Variants in DSG1 observed in about 807,000 individuals in gnomAD.
The protein encoded by DSG1 is desmoglein 1.
A neutral mutation model predicts 97.5 loss-of-function variants in DSG1; 39 were observed. The observed-to-expected ratio is 0.40, with a 90% CI of 0.31 to 0.52. DSG1 has a LOEUF of 0.52. DSG1 is among the 20% of genes least tolerant of loss of function. DSG1 has a pLI of 0.53. For missense variants in DSG1, 1,311 were observed against 1,295.4 expected, an observed-to-expected ratio of 1.01 and a Z score of -0.18; for synonymous variants, 475 against 443.4, an observed-to-expected ratio of 1.07 and a Z score of -0.90.
chr18:31,329,978 C>A lies in DSG1; in HGVS notation c.459C>A (p.Asn153Lys). 3.1e-6 allele frequency: 5 copies of A among 1,613,284 alleles called. No homozygotes were observed. In the Middle Eastern group the frequency reaches 6.6e-4, roughly 213 times the overall value. Residue 153 changes from asparagine (N) to lysine (K), a missense_variant, in exon 5 of 15, where the codon AAC (asparagine) becomes AAA (lysine). By Grantham distance (94) the Asn-to-Lys change is moderately conservative (BLOSUM62 0). This residue lies in a region of DSG1 where 259 missense variants were observed against 304.1 expected (regional missense o/e 0.85). Coordinates refer to ENST00000257192, the MANE Select transcript of DSG1 (RefSeq NM_001942.4). ...TCAGGGTTTTGGATATAAATGACAA[C>A]CCTCCAGTGTTTTCAATGGCTACAT... ...LRVRVLDIND[N>K]PPVFSMATFA...
chr18:31,342,154 G>A (rs992057451), intron 11 of DSG1, among the ~76,000 whole-genome samples: 10 of 152,076 alleles, frequency 6.6e-5, no homozygotes, highest in South Asian at 2.1e-4. Flanking sequence ...GGATGATCTC[G>A]ATCTCCTGAC....
At chr18:31,338,734 T>A (rs1242536961) in intron 10 of DSG1, among the ~76,000 whole-genome samples, 1 of 152,148 alleles carries the variant, frequency 6.6e-6, no homozygotes, top group East Asian at 1.9e-4. Flanking sequence ...GTCTCTTTTT[T>A]AAAATGGAAC....
intron 8 of DSG1, among the ~76,000 whole-genome samples, chr18:31,335,453 A>C (rs1440628224): frequency 1.3e-5 from 2 of 152,058 alleles, no homozygotes; most frequent in African/African-American, 4.8e-5. Context: ...CTATCTGTAA[A>C]ATGGGAATGA....
Position 31,355,997 on chromosome 18 carries a change from C to G in DSG1, c.*651C>G, listed in dbSNP as rs1170304450. ...TTTCTTCAGGGTAAACTAGCAATGC[C>G]TGAGCCTGAACCTTAATGTGGGGCC... On this transcript the variant is annotated 3_prime_UTR_variant, in exon 15 of 15. Transcript: ENST00000257192. 1 of 153,196 alleles carries G rather than the reference C, an allele frequency of 6.5e-6. No homozygotes were observed. The allele number at this position is 153,196 out of a possible 1,614,324, so 9.5% of individuals were successfully genotyped here.
At chr18:31,345,641 G>A (rs568370369) in intron 13 of DSG1, among the ~76,000 whole-genome samples, 1 of 45,654 alleles carries the variant, frequency 2.2e-5, no homozygotes, top group Admixed American at 1.3e-4. Context: ...GGGGCTTCTA[G>A]TTATACACTG....
At chr18:31,329,832 AAAGT>A (rs2144091367) in intron 4 of DSG1, 56 bp from the exon 5 acceptor site, 7 of 1,588,130 alleles carry the variant, frequency 4.4e-6, no homozygotes, top group Non-Finnish European at 1.7e-6. Flanking sequence ...CATAATGCTC[AAAGT>A]AAGAACTTAA....
rs1197499329 is a variant in DSG1, at chr18:31,346,101, T to C, written c.2003T>C (p.Ile668Thr). 2 of 1,613,580 alleles carry C rather than the reference T, an allele frequency of 1.2e-6. No homozygotes were observed. Among genetic ancestry groups the C allele is most frequent in the Non-Finnish European group, 1.7e-6 (2 of 1,179,600 alleles). ...EGVKTSGMPE[I>T]CQEYSGTLRR... ...GTTAAAACTTCAGGAATGCCTGAGATATGTCAAGAATACTCTGGAACATTA... is the reference window on the plus strand; with the variant it reads ...GTTAAAACTTCAGGAATGCCTGAGACATGTCAAGAATACTCTGGAACATTA... Residue 668 changes from isoleucine to threonine, a missense_variant, in exon 14 of 15, where the codon ATA (isoleucine) becomes ACA (threonine). By Grantham distance (89) the Ile-to-Thr change is moderately conservative. Coordinates refer to ENST00000257192, the MANE Select transcript of DSG1 (RefSeq NM_001942.4).
chr18:31,325,886 A>T (rs1410419960), intron 1 of DSG1, among the ~76,000 whole-genome samples: 1 of 152,164 alleles, frequency 6.6e-6, no homozygotes, highest in Non-Finnish European at 1.5e-5. Context: ...TGTAAAATGG[A>T]GATAGTATTA....
intron 9 of DSG1, among the ~76,000 whole-genome samples, chr18:31,337,341 C>G (rs2071762373): frequency 6.6e-6 from 1 of 152,164 alleles, no homozygotes; most frequent in Admixed American, 6.5e-5. Context: ...ACTGCCACCT[C>G]TGCCTCCCGG....
rs1404662047 is a variant in DSG1, at chr18:31,353,281, C to T, written c.2101-1016C>T. 2.5e-3 allele frequency among the ~76,000 whole-genome samples: 374 copies of T among 149,726 alleles called. 1 individual carries two copies. The highest frequency in any genetic ancestry group is 7.8e-3 in the African/African-American group (318 of 40,938). ...GGGGGTGCCTCCCAGTTAGGCTGCT[C>T]GGGGGTCAGGGGTCAGGGACCCACT... On this transcript the variant is annotated intron_variant, in intron 14 of 14. Transcript: ENST00000257192.
chr18:31,328,246 A>G lies in DSG1; in HGVS notation c.274A>G (p.Ile92Val). 1 of 1,613,664 alleles carries G rather than the reference A, an allele frequency of 6.2e-7. No individual in the cohort carries two copies. Among genetic ancestry groups the G allele is most frequent in the South Asian group, 1.1e-5 (1 of 91,078 alleles). ...QVTYRISGVG[I>V]DQPPYGIFVI... is the part of the protein sequence containing the mutation. ...TACATACCGCATCTCTGGAGTAGGA[A>G]TTGATCAGCCACCATATGGGATCTT... Residue 92 changes from isoleucine to valine, a missense_variant, in exon 4 of 15, where the codon ATT (isoleucine) becomes GTT (valine). Ile to Val is a conservative substitution (Grantham distance 29). This residue lies in a region of DSG1 where 259 missense variants were observed against 304.1 expected (regional missense o/e 0.85). Coordinates refer to ENST00000257192, the MANE Select transcript of DSG1 (RefSeq NM_001942.4).
chr18:31,340,128 T>G, intron 11 of DSG1, 103 bp downstream of exon 11: 1 of 1,269,514 alleles, frequency 7.9e-7, no homozygotes, highest in South Asian at 1.4e-5. Flanking sequence ...CAAATTCTCA[T>G]TTTGTGCAAT....
In DSG1 at chr18:31,357,677, T is replaced by A. The variant is rs2071970785; in HGVS notation, c.*2331T>A. The stretch of plus-strand genomic sequence containing the variant: ...GTTACATCTGAACTCCTAAACACTG[T>A]TAAACGATGGGAAAAACAAGAAAAA... On this transcript the variant is annotated 3_prime_UTR_variant, in exon 15 of 15. Coordinates refer to ENST00000257192, the MANE Select transcript of DSG1 (RefSeq NM_001942.4). 6.6e-6 allele frequency among the ~76,000 whole-genome samples: 1 copy of A among 151,944 alleles called. No individual in the cohort carries two copies.
At chr18:31,343,425 A>G in intron 11 of DSG1, 25 bp from the exon 12 acceptor site, 2 of 1,614,050 alleles carry the variant, frequency 1.2e-6, no homozygotes, top group Non-Finnish European at 1.7e-6. Context: ...TGCTAACTCT[A>G]GTATTACTAT....
intron 14 of DSG1, among the ~76,000 whole-genome samples, chr18:31,351,687 C>T (rs1180513465): frequency 2.9e-3 from 399 of 139,446 alleles, no homozygotes; most frequent in African/African-American, 5.5e-3. Flanking sequence ...GGATAGTTAG[C>T]TCTTCTTGTT....
At position 31,355,159 on chromosome 18, in the gene DSG1, G is replaced by T. The variant is rs776751780; in HGVS notation, c.2963G>T (p.Ser988Ile). 3.7e-6 allele frequency: 6 copies of T among 1,608,488 alleles called. No individual in the cohort carries two copies. In the Admixed American group the frequency reaches 6.7e-5, roughly 18 times the overall value. ...GLVGTSMGAG[S>I]GALSGAGISG... ...GTTGGCACCAGCATGGGTGCTGGGA[G>T]CGGTGCCCTGAGTGGAGCTGGCATA... Residue 988 changes from serine (S) to isoleucine (I), a missense_variant, in exon 15 of 15, where the codon AGC (serine) becomes ATC (isoleucine). Ser to Ile is a moderately radical substitution (Grantham distance 142, BLOSUM62 -2). Coordinates refer to ENST00000257192, the MANE Select transcript of DSG1 (RefSeq NM_001942.4).
At chr18:31,343,177 G>T (rs748805206) in intron 11 of DSG1, among the ~76,000 whole-genome samples, 2 of 152,086 alleles carry the variant, frequency 1.3e-5, no homozygotes, top group Non-Finnish European at 2.9e-5. Flanking sequence ...CTCCCAAAGT[G>T]CTGGAATTAC....
At position 31,333,635 on chromosome 18, in the gene DSG1, G is replaced by A. The variant is rs748694136; in HGVS notation, c.731G>A (p.Gly244Asp). The change falls in exon 7 of 15, where the codon GGC (glycine) becomes GAC (aspartate). Residue 244 changes from glycine (G) to aspartate (D), a missense_variant. This residue lies in a region of DSG1 where 259 missense variants were observed against 304.1 expected (regional missense o/e 0.85). Transcript: ENST00000257192. Reference protein sequence around the residue: ...ALAVRGSDRDGGADGMSAECE... With the variant: ...ALAVRGSDRDDGADGMSAECE... The stretch of plus-strand genomic sequence containing the variant: ...GCTGTAAGAGGCTCTGACCGAGATG[G>A]CGGGGCAGATGGCATGTCAGCGGAA... The A allele has an allele frequency of 1.1e-5, 17 of 1,613,918 alleles. No individual in the cohort carries two copies. Among genetic ancestry groups the A allele is most frequent in the Non-Finnish European group, 1.4e-5 (17 of 1,179,844 alleles).
Position 31,355,013 on chromosome 18 carries a change from G to T in DSG1, c.2817G>T (p.Met939Ile), listed in dbSNP as rs753624739. ...PTSGMIGSLS[M>I]HPELANAHNV... ...CCGGCATGATAGGTAGTCTGAGTAT[G>T]CACCCCGAGTTAGCCAATGCCCACA... The change falls in exon 15 of 15, where the codon ATG (methionine) becomes ATT (isoleucine). Residue 939 changes from methionine (M) to isoleucine (I), a missense_variant. Physicochemically the swap from Met to Ile is conservative, Grantham distance 10. Transcript: ENST00000257192. The T allele has an allele frequency of 6.2e-6, 10 of 1,614,232 alleles. No homozygotes were observed. Among genetic ancestry groups the T allele is most frequent in the Non-Finnish European group, 8.5e-6 (10 of 1,180,040 alleles).
Sources: allele counts gnomAD v4.1 joint callset (sites outside exome capture counted in the v4.1 genomes callset), GRCh38; gene constraint gnomAD v4.1.1; regional missense constraint gnomAD v4.1.1; transcripts MANE v1.5; gene names NCBI Gene and HGNC (gene_info 2026-07-23, HGNC 2026-07-21).